CD163: variants seen among roughly 807,000 people sequenced by gnomAD.
The protein encoded by CD163 is CD163 molecule, also known as scavenger receptor cysteine-rich type 1 protein M130.
CD163 carries 64 observed loss-of-function variants against 129.2 expected under a neutral mutation model. That is an observed-to-expected ratio of 0.50 (90% CI 0.41 to 0.61). The LOEUF (loss-of-function observed/expected upper bound fraction) is 0.61. Ranked by LOEUF, CD163 falls within the 20% of genes least tolerant of loss-of-function variation. CD163 has a pLI of 0.00. For synonymous variants in CD163, 446 were observed against 478.5 expected (o/e 0.93, Z 0.89); for missense variants, 1,061 against 1,377.9 (o/e 0.77, Z 3.64).
chr12:7,500,815 G>A (rs935207323), intron 3 of CD163, among the ~76,000 whole-genome samples: 2 of 152,116 alleles, frequency 1.3e-5, no homozygotes, highest in African/African-American at 4.8e-5. Context: ...TAACTTAGAT[G>A]TCATGATATT....
Position 7,471,273 on chromosome 12 carries a change from G to C in CD163, c.*156C>G, listed in dbSNP as rs945292519. 1.3e-5 allele frequency: 2 copies of C among 152,264 alleles called. No homozygotes were observed. The highest frequency in any genetic ancestry group is 2.9e-5 in the Non-Finnish European group (2 of 68,008). The allele number at this position is 152,264 out of a possible 1,614,324, so 9.4% of individuals were successfully genotyped here. The stretch of plus-strand genomic sequence containing the variant: ...AAACTTAATTTTTATAAATTCAGCA[G>C]CAGTCTTAGGAATCCTAGGAGAAGA... On this transcript the variant is annotated 3_prime_UTR_variant, in exon 17 of 17. Transcript: ENST00000432237.
At chr12:7,482,876 T>C in intron 13 of CD163, 90 bp downstream of exon 13, 8 of 1,576,794 alleles carry the variant, frequency 5.1e-6, no homozygotes, top group Non-Finnish European at 6.1e-6. Context: ...AAATATCAAA[T>C]CCTCAGAACG....
chr12:7,503,708 T>TC lies in CD163; in HGVS notation c.-19dup. ...TTGCTCATTCCAAAGATTTATAACT[T>TC]CAATGATTCCTAAATCTTCTTGTAT... On this transcript the variant is annotated 5_prime_UTR_variant, in exon 1 of 17. Coordinates refer to ENST00000432237, the MANE Select transcript of CD163 (RefSeq NM_203416.4). 1.3e-6 allele frequency: 2 copies of TC among 1,516,354 alleles called. No individual in the cohort carries two copies. Among genetic ancestry groups the TC allele is most frequent in the Non-Finnish European group, 1.8e-6 (2 of 1,097,308 alleles). The allele number at this position is 1,516,354 out of a possible 1,614,324, so 93.9% of individuals were successfully genotyped here.
At chr12:7,476,315 T>A (rs1388443009) in intron 16 of CD163, among the ~76,000 whole-genome samples, 1 of 152,190 alleles carries the variant, frequency 6.6e-6, no homozygotes, top group Non-Finnish European at 1.5e-5. Flanking sequence ...GCTGGAAGCA[T>A]CACGCTATCT....
At chr12:7,484,127 G>A (rs767677139) in intron 11 of CD163, among the ~76,000 whole-genome samples, 104 of 149,954 alleles carry the variant, frequency 6.9e-4, no homozygotes, top group Non-Finnish European at 1.1e-3. Flanking sequence ...GTGAGCCACC[G>A]TGCCTGGCCT....
In CD163 at chr12:7,485,787, T is replaced by C. The variant is rs1949239757; in HGVS notation, c.2459-371A>G. Among the ~76,000 whole-genome samples the C allele has an allele frequency of 6.6e-6, 1 of 152,216 alleles. No individual in the cohort carries two copies. The highest frequency in any genetic ancestry group is 2.4e-5 in the African/African-American group (1 of 41,462). The stretch of plus-strand genomic sequence containing the variant: ...ACACTCAGGCACTAAAATCAATGTT[T>C]TGTGTACATCTCTTAAAATGACAGT... On this transcript the variant is annotated intron_variant, in intron 10 of 16. Transcript: ENST00000432237. This position sits in a 1 kb window ranked among gnomAD's most constrained non-coding sequence, Gnocchi z 4.5.
In CD163 at chr12:7,483,486, G is replaced by T; in HGVS notation, c.2969C>A (p.Pro990Gln). Residue 990 changes from proline (P) to glutamine (Q), a missense_variant, in exon 12 of 17, where the codon CCG (proline) becomes CAG (glutamine). Pro to Gln is a moderately conservative substitution (Grantham distance 76). Transcript: ENST00000432237. ...KEAEFGQGTG[P>Q]IWLNEVKCKG... Reference sequence around the variant, plus strand: ...GCACTTCACTTCATTGAGCCATATCGGTCCAGTCCCCTGACCAAACTCTGC... The same window carrying T: ...GCACTTCACTTCATTGAGCCATATCTGTCCAGTCCCCTGACCAAACTCTGC... 1 of 1,613,874 alleles carries T rather than the reference G, an allele frequency of 6.2e-7. No individual in the cohort carries two copies. The highest frequency in any genetic ancestry group is 8.5e-7 in the Non-Finnish European group (1 of 1,179,954).
chr12:7,485,375 CCT>C lies in CD163; in HGVS notation c.2498_2499del (p.Glu833GlyfsTer21). 6.2e-7 allele frequency: 1 copy of C among 1,614,202 alleles called. No homozygotes were observed. ...AAAACTTCCAGACGCCCTGCACAGGCCTCTCTGCTGGCTTCACTGGTCAGTCT... is the reference window on the plus strand; with the variant it reads ...AAAACTTCCAGACGCCCTGCACAGGCCTCTGCTGGCTTCACTGGTCAGTCT... ...SLRLTSEASR[E>X]ACAGRLEVFY... is the part of the protein sequence containing the mutation. On this transcript the variant is annotated frameshift_variant, in exon 11 of 17. Coordinates refer to ENST00000432237, the MANE Select transcript of CD163 (RefSeq NM_203416.4). LOFTEE classifies it high-confidence loss of function. The surrounding 1 kb of genome is among the most constrained non-coding windows in gnomAD (Gnocchi z 4.5).
At chr12:7,498,488 G>T (rs765931061) in intron 4 of CD163, among the ~76,000 whole-genome samples, 1 of 152,332 alleles carries the variant, frequency 6.6e-6, no homozygotes, top group South Asian at 2.1e-4. Flanking sequence ...GGAGGCTTTT[G>T]TGGATTAGAT....
At position 7,497,027 on chromosome 12, in the gene CD163, C is replaced by T. The variant is rs750240390; in HGVS notation, c.885G>A (p.Trp295Ter). Residue 295 changes from tryptophan to a stop codon, truncating the protein, a stop_gained, in exon 5 of 17, where the codon TGG becomes TGA. Transcript: ENST00000432237. LOFTEE classifies it high-confidence loss of function. Reference protein sequence around the residue: ...GEWGTICDDGWDSYDAAVACK... With the variant: ...GEWGTICDDG ...ATGCCACAGCAGCATCGTAACTGTC[C>T]CAGCCGTCATCACATATTGTCCCCC... The T allele has an allele frequency of 6.2e-7, 1 of 1,614,036 alleles. No individual in the cohort carries two copies. Among genetic ancestry groups the T allele is most frequent in the Non-Finnish European group, 8.5e-7 (1 of 1,179,974 alleles).
chr12:7,481,158 G>A lies in CD163; in HGVS notation c.3343+3C>T. On this transcript the variant is annotated splice_donor_region_variant and intron_variant, in intron 15 of 16. Coordinates refer to ENST00000432237, the MANE Select transcript of CD163 (RefSeq NM_203416.4). ...GCAATAGACCCTCCAAGAACCCACA[G>A]ACCTGAGGAATTCATTAGGTCCAGA... The A allele has an allele frequency of 2.5e-6, 4 of 1,613,630 alleles. No homozygotes were observed. Among genetic ancestry groups the A allele is most frequent in the Non-Finnish European group, 3.4e-6 (4 of 1,179,706 alleles).
At chr12:7,499,319 G>A (rs1332910345) in intron 3 of CD163, 131 bp from the exon 4 acceptor site, 15 of 708,160 alleles carry the variant, frequency 2.1e-5, no homozygotes, top group East Asian at 7.6e-5. Context: ...ACATTGCCCA[G>A]CTCCACACGG....
intron 1 of CD163, chr12:7,502,818 T>C: frequency 1.8e-6 from 1 of 559,768 alleles, no homozygotes; most frequent in Non-Finnish European, 3.1e-6. Context: ...GAAACGAGAA[T>C]TGCAAGGTCA....
intron 4 of CD163, among the ~76,000 whole-genome samples, chr12:7,498,313 C>G (rs1949431255): frequency 6.6e-6 from 1 of 151,974 alleles, no homozygotes; most frequent in South Asian, 2.1e-4. Flanking sequence ...ACGATTTTCC[C>G]CGCCCCCAGT....
In CD163 at chr12:7,487,153, A is replaced by G. The variant is rs932524704; in HGVS notation, c.2051-167T>C. On this transcript the variant is annotated intron_variant, in intron 8 of 16. Coordinates refer to ENST00000432237, the MANE Select transcript of CD163 (RefSeq NM_203416.4). The surrounding 1 kb of genome is among the most constrained non-coding windows in gnomAD (Gnocchi z 5.1). Reference sequence around the variant, plus strand: ...GTGCTTTGAGATGGGCTTGGCACATAGTAAGCACTGGATAACTAAGAAGTC... The same window carrying G: ...GTGCTTTGAGATGGGCTTGGCACATGGTAAGCACTGGATAACTAAGAAGTC... 6.6e-6 allele frequency among the ~76,000 whole-genome samples: 1 copy of G among 152,244 alleles called. No homozygotes were observed. Among genetic ancestry groups the G allele is most frequent in the Non-Finnish European group, 1.5e-5 (1 of 68,042 alleles).
intron 6 of CD163, among the ~76,000 whole-genome samples, chr12:7,488,328 T>C (rs998223083): frequency 6.6e-6 from 1 of 152,098 alleles, no homozygotes; most frequent in Non-Finnish European, 1.5e-5. Context: ...CAGCCAACCA[T>C]CCCCAAAGGC....
chr12:7,484,030 CG>C (rs1949210178), intron 11 of CD163, among the ~76,000 whole-genome samples: 1 of 150,654 alleles, frequency 6.6e-6, no homozygotes, highest in Non-Finnish European at 1.5e-5. Context: ...TTAGTAGAGA[CG>C]GGGTTTCACC....
At position 7,480,857 on chromosome 12, in the gene CD163, T is replaced by C. The variant is rs150790012; in HGVS notation, c.3343+304A>G. On this transcript the variant is annotated intron_variant, in intron 15 of 16. Transcript: ENST00000432237. ...AAAGTTAAACTGTCACTTATGACAA[T>C]CTTTTGTAAGATTAATTTCTGTTTT... The C allele has an allele frequency of 3.7e-4, 375 of 1,018,852 alleles. No homozygotes were observed. In the African/African-American group the frequency reaches 5.8e-3, roughly 16 times the overall value. 63.1% of individuals were successfully genotyped at this position (1,018,852 alleles called of 1,614,324 possible).
Position 7,482,757 on chromosome 12 carries a change from A to G in CD163, c.3133T>C (p.Ser1045Pro). Residue 1045 changes from serine (S) to proline (P), a missense_variant, in exon 14 of 17, where the codon TCA (serine) becomes CCA (proline). Physicochemically the swap from Ser to Pro is moderately conservative, Grantham distance 74. Coordinates refer to ENST00000432237, the MANE Select transcript of CD163 (RefSeq NM_203416.4). ...GCAATAAAGGATGACTGACGGGATG[A>G]GCGACCTAAGTAAAAGTAAATATCA... is the stretch of plus-strand genomic sequence containing the variant. ...KTPQKATTGR[S>P]SRQSSFIAVG... 12 of 1,614,052 alleles carry G rather than the reference A, an allele frequency of 7.4e-6. No homozygotes were observed. The highest frequency in any genetic ancestry group is 1.0e-5 in the Non-Finnish European group (12 of 1,179,958).
Sources: allele counts gnomAD v4.1 joint callset (sites outside exome capture counted in the v4.1 genomes callset), GRCh38; gene constraint gnomAD v4.1.1; non-coding constraint Gnocchi (gnomAD v3.1); transcripts MANE v1.5; gene names NCBI Gene and HGNC (gene_info 2026-07-23, HGNC 2026-07-21).